The following CAV1 variants were observed in gnomAD, a reference collection of about 807,000 sequenced individuals.
The protein encoded by CAV1 is caveolin 1.
CAV1 carries 10 observed loss-of-function variants against 16.5 expected under a neutral mutation model. That is an observed-to-expected ratio of 0.61 (90% CI 0.37 to 1.03). The LOEUF is 1.03. Ranked by LOEUF, CAV1 falls within the 50% of genes least tolerant of loss-of-function variation. CAV1 has a pLI of 0.01. For synonymous variants in CAV1, 76 were observed against 85.1 expected (o/e 0.89, Z 0.59); for missense variants, 212 against 232.8 (o/e 0.91, Z 0.58).
At chr7:116,525,274 T>G in intron 1 of CAV1, 182 bp downstream of exon 1, 1 of 1,574,306 alleles carries the variant, frequency 6.4e-7, no homozygotes, top group Non-Finnish European at 8.6e-7. Context: ...AAGCCAGGAA[T>G]GTTTTATGTT....
At chr7:116,542,235 T>C (rs1793955733) in intron 2 of CAV1, among the ~76,000 whole-genome samples, 1 of 152,240 alleles carries the variant, frequency 6.6e-6, no homozygotes, top group African/African-American at 2.4e-5. Context: ...CCTATTGTGA[T>C]AGAAACTCAT....
In CAV1 at chr7:116,559,213, G is replaced by T. The variant is rs150368249; in HGVS notation, c.463G>T (p.Val155Phe). ...TGTCTATTCCATCTACGTCCACACC[G>T]TCTGTGACCCACTCTTTGAAGCTGT... ...SRVYSIYVHT[V>F]CDPLFEAVGK... Residue 155 changes from valine to phenylalanine, a missense_variant, in exon 3 of 3, where the codon GTC (valine) becomes TTC (phenylalanine). By Grantham distance (50) the Val-to-Phe change is conservative (BLOSUM62 -1). Coordinates refer to ENST00000341049, the MANE Select transcript of CAV1 (RefSeq NM_001753.5). The T allele has an allele frequency of 1.9e-6, 3 of 1,613,896 alleles. No homozygotes were observed. The African/African-American group carries it at 4.0e-5, about 22-fold the overall frequency.
chr7:116,535,787 G>C (rs968672207), intron 2 of CAV1, among the ~76,000 whole-genome samples: 25 of 152,134 alleles, frequency 1.6e-4, no homozygotes, highest in African/African-American at 5.8e-4. Context: ...TCTCTTGTTG[G>C]TCATTATTTC....
intron 2 of CAV1, among the ~76,000 whole-genome samples, chr7:116,529,505 T>C (rs963142163): frequency 6.6e-6 from 1 of 152,222 alleles, no homozygotes. Flanking sequence ...GAAATCTCTA[T>C]TGGACAGTGC....
chr7:116,561,172 C>A lies in CAV1; in HGVS notation c.*1885C>A, dbSNP rs951898689. 6.6e-6 allele frequency: 1 copy of A among 152,272 alleles called. No individual in the cohort carries two copies. The highest frequency in any genetic ancestry group is 6.6e-5 in the Admixed American group (1 of 15,260). 9.4% of individuals were successfully genotyped at this position (152,272 alleles called of 1,614,324 possible). On this transcript the variant is annotated 3_prime_UTR_variant, in exon 3 of 3. Coordinates refer to ENST00000341049, the MANE Select transcript of CAV1 (RefSeq NM_001753.5). ...AAGCCTGCACAATAAAAATGTTTAA[C>A]GGTTAAACAGTCAGCTTTATTATTT...
At chr7:116,531,678 G>A (rs985093996) in intron 2 of CAV1, among the ~76,000 whole-genome samples, 4 of 152,176 alleles carry the variant, frequency 2.6e-5, no homozygotes, top group Non-Finnish European at 5.9e-5. Flanking sequence ...ATGCTGGTGC[G>A]CTGCACCCAC....
At chr7:116,531,367 A>G (rs920716015) in intron 2 of CAV1, among the ~76,000 whole-genome samples, 3 of 152,220 alleles carry the variant, frequency 2.0e-5, no homozygotes, top group African/African-American at 7.2e-5. Flanking sequence ...GAATGTAATG[A>G]TTCTTAAATA....
intron 2 of CAV1, among the ~76,000 whole-genome samples, chr7:116,529,876 C>A (rs960064554): frequency 7.2e-5 from 11 of 152,066 alleles, no homozygotes; most frequent in Non-Finnish European, 1.5e-4. Flanking sequence ...AAACTCAAAC[C>A]CTTCATTCTC....
intron 2 of CAV1, among the ~76,000 whole-genome samples, chr7:116,536,764 G>T (rs1793825017): frequency 6.6e-6 from 1 of 152,128 alleles, no homozygotes; most frequent in Non-Finnish European, 1.5e-5. Flanking sequence ...AGCACTTTGG[G>T]AGGCCGAGGC....
chr7:116,525,433 G>A, intron 1 of CAV1: 2 of 1,415,516 alleles, frequency 1.4e-6, no homozygotes, highest in Non-Finnish European at 1.9e-6. Flanking sequence ...CCGCGGTCCG[G>A]CCCTGCCTGC....
At position 116,559,358 on chromosome 7, in the gene CAV1, C is replaced by T. The variant is rs1794358941; in HGVS notation, c.*71C>T. On this transcript the variant is annotated 3_prime_UTR_variant, in exon 3 of 3. Transcript: ENST00000341049. ...ATTTTCCTGGTGCCAATTTCAAGTT[C>T]CAAGTTGCTAATACAGCAACAATTT... 1 of 1,089,582 alleles carries T rather than the reference C, an allele frequency of 9.2e-7. No individual in the cohort carries two copies. The highest frequency in any genetic ancestry group is 1.3e-5 in the South Asian group (1 of 76,740). 67.5% of individuals were successfully genotyped at this position (1,089,582 alleles called of 1,614,324 possible).
chr7:116,535,724 A>T (rs530625736), intron 2 of CAV1, among the ~76,000 whole-genome samples: 1 of 152,272 alleles, frequency 6.6e-6, no homozygotes, highest in South Asian at 2.1e-4. Context: ...AACTATGTTG[A>T]TGTTTCAGAT....
At position 116,525,037 on chromosome 7, in the gene CAV1, C is replaced by T. The variant is rs777253405; in HGVS notation, c.-26C>T. The T allele has an allele frequency of 6.2e-7, 1 of 1,613,916 alleles. No individual in the cohort carries two copies. The highest frequency in any genetic ancestry group is 1.1e-5 in the South Asian group (1 of 91,084). ...AGCACAGCCCAGGGAAACCTCCTCA[C>T]AGTTTTCATCCAGCCACGGGCCAGC... On this transcript the variant is annotated 5_prime_UTR_variant, in exon 1 of 3. Transcript: ENST00000341049.
chr7:116,550,537 C>G (rs1029324757), intron 2 of CAV1, among the ~76,000 whole-genome samples: 11 of 152,134 alleles, frequency 7.2e-5, no homozygotes, highest in Admixed American at 7.2e-4. Flanking sequence ...TGAGAAAACA[C>G]ATGGGCAATT....
chr7:116,539,862 G>C (rs1793901309), intron 2 of CAV1, among the ~76,000 whole-genome samples: 1 of 152,162 alleles, frequency 6.6e-6, no homozygotes, highest in Non-Finnish European at 1.5e-5. Flanking sequence ...CTTAAGTCCA[G>C]AGTGTGGAGG....
At chr7:116,549,600 A>G (rs868759918) in intron 2 of CAV1, among the ~76,000 whole-genome samples, 6 of 152,020 alleles carry the variant, frequency 3.9e-5, no homozygotes, top group African/African-American at 1.2e-4. Flanking sequence ...AATCATTTAA[A>G]ATAAAATAAT....
At chr7:116,535,940 A>G (rs899979219) in intron 2 of CAV1, among the ~76,000 whole-genome samples, 1 of 152,168 alleles carries the variant, frequency 6.6e-6, no homozygotes, top group Non-Finnish European at 1.5e-5. Flanking sequence ...CTAATATTCT[A>G]TCTCATAGCA....
intron 2 of CAV1, among the ~76,000 whole-genome samples, chr7:116,530,424 T>C (rs1320230013): frequency 2.0e-5 from 3 of 152,114 alleles, no homozygotes; most frequent in East Asian, 3.9e-4. Flanking sequence ...GTAAATACAG[T>C]AGTGTTGAAT....
intron 2 of CAV1, among the ~76,000 whole-genome samples, chr7:116,558,484 C>T (rs1037702063): frequency 1.3e-5 from 2 of 151,756 alleles, no homozygotes; most frequent in African/African-American, 2.4e-5. Context: ...CTTATTGGCT[C>T]ATCCTATTAT....
Sources: gnomAD v4.1 joint callset for allele counts (sites outside exome capture counted in the v4.1 genomes callset) on GRCh38, gnomAD v4.1.1 for gene constraint, MANE v1.5 for transcripts, NCBI Gene and HGNC (gene_info 2026-07-23, HGNC 2026-07-21) for gene names.